The following SLC24A3 variants were observed in gnomAD, a reference collection of about 807,000 sequenced individuals.
SLC24A3 encodes sodium/potassium/calcium exchanger 3.
Under a neutral mutation model 75.8 loss-of-function variants are expected in SLC24A3, and 28 were observed. The observed-to-expected ratio is 0.37, with a 90% CI of 0.27 to 0.51. SLC24A3 has a LOEUF of 0.51. SLC24A3 is among the 20% of genes least tolerant of loss of function. The pLI is 0.94. For missense variants in SLC24A3, 663 were observed against 847.8 expected (o/e 0.78, Z 2.71); for synonymous variants, 372 against 334.1 (o/e 1.11, Z -1.24).
intron 3 of SLC24A3, among the ~76,000 whole-genome samples, chr20:19,534,668 G>A (rs974266086): frequency 2.0e-5 from 3 of 152,130 alleles, no homozygotes; most frequent in Admixed American, 6.5e-5. Context: ...GCCTCCCAAA[G>A]TACTGGAATT....
chr20:19,542,117 T>G (rs2030509521), intron 3 of SLC24A3, among the ~76,000 whole-genome samples: 1 of 152,128 alleles, frequency 6.6e-6, no homozygotes, highest in African/African-American at 2.4e-5. Context: ...GGTGGAGCAG[T>G]GTTCAGAGGC....
chr20:19,656,194 T>C (rs2032263619), intron 7 of SLC24A3, among the ~76,000 whole-genome samples: 1 of 152,208 alleles, frequency 6.6e-6, no homozygotes, highest in South Asian at 2.1e-4. Flanking sequence ...TTTCTGACAC[T>C]GAAAATCTTG....
Position 19,269,363 on chromosome 20 carries a change from A to G in SLC24A3, c.143-11596A>G, listed in dbSNP as rs142570784. Among the ~76,000 whole-genome samples, 7 of 152,246 alleles carry G rather than the reference A, an allele frequency of 4.6e-5. No individual in the cohort carries two copies. In the East Asian group the frequency reaches 1.4e-3, roughly 29 times the overall value. Reference sequence around the variant, plus strand: ...GGAGCTCAGAAGGGGATAGGTAACCACTCACCTACCAGATGTGTCTCTGTT... The same window carrying G: ...GGAGCTCAGAAGGGGATAGGTAACCGCTCACCTACCAGATGTGTCTCTGTT... On this transcript the variant is annotated intron_variant, in intron 1 of 16. Transcript: ENST00000328041.
intron 1 of SLC24A3, among the ~76,000 whole-genome samples, chr20:19,265,579 A>G (rs1183891115): frequency 6.6e-6 from 1 of 152,242 alleles, no homozygotes. Context: ...GCTCTTAGAA[A>G]AAAGCCAGCC....
chr20:19,248,637 C>A (rs1056446766), intron 1 of SLC24A3, among the ~76,000 whole-genome samples: 1 of 152,096 alleles, frequency 6.6e-6, no homozygotes, highest in Non-Finnish European at 1.5e-5. Context: ...TCCAGCAGCT[C>A]CACTTCTGGG....
intron 2 of SLC24A3, among the ~76,000 whole-genome samples, chr20:19,324,488 C>T (rs937813874): frequency 2.6e-5 from 4 of 152,202 alleles, no homozygotes; most frequent in Non-Finnish European, 5.9e-5. Context: ...GTATCTTTCT[C>T]AGGTTGGCAC....
rs906501626 is a variant in SLC24A3, at chr20:19,665,907, C to T, written c.713+18C>T. On this transcript the variant is annotated intron_variant, in intron 8 of 16. Transcript: ENST00000328041. Reference sequence around the variant, plus strand: ...GTTTCCTGGTAAGTACCTCTCTTTCCCCTTCTCATTTCTGAATGTTATGTT... The same window carrying T: ...GTTTCCTGGTAAGTACCTCTCTTTCTCCTTCTCATTTCTGAATGTTATGTT... 2 of 1,609,466 alleles carry T rather than the reference C, an allele frequency of 1.2e-6. No homozygotes were observed. The highest frequency in any genetic ancestry group is 1.7e-6 in the Non-Finnish European group (2 of 1,177,842).
chr20:19,230,446 G>C (rs1981987435), intron 1 of SLC24A3, among the ~76,000 whole-genome samples: 1 of 152,122 alleles, frequency 6.6e-6, no homozygotes, highest in African/African-American at 2.4e-5. Context: ...TATATCTAGA[G>C]ACAGTGTGTG....
At chr20:19,328,254 G>C (rs926951305) in intron 2 of SLC24A3, among the ~76,000 whole-genome samples, 1 of 151,854 alleles carries the variant, frequency 6.6e-6, no homozygotes, top group Admixed American at 6.6e-5. Flanking sequence ...GTCAAAGGTC[G>C]TGGGGAACCA....
At chr20:19,272,677 C>T (rs1024635192) in intron 1 of SLC24A3, among the ~76,000 whole-genome samples, 16 of 152,192 alleles carry the variant, frequency 1.1e-4, no homozygotes, top group African/African-American at 3.9e-4. Context: ...GGGGCATGGC[C>T]CTGAGGGGTG....
intron 2 of SLC24A3, among the ~76,000 whole-genome samples, chr20:19,440,403 TCTGA>T (rs1185311763): frequency 1.3e-5 from 2 of 152,198 alleles, no homozygotes; most frequent in African/African-American, 4.8e-5. Context: ...CTCTTTTGTC[TCTGA>T]CTGTAGTAAG....
At chr20:19,478,559 C>G (rs1172871025) in intron 2 of SLC24A3, among the ~76,000 whole-genome samples, 1 of 152,128 alleles carries the variant, frequency 6.6e-6, no homozygotes, top group Admixed American at 6.5e-5. Flanking sequence ...ATCCAGCTTA[C>G]AAAGCTACAG....
At chr20:19,546,388 A>G (rs2030596296) in intron 3 of SLC24A3, among the ~76,000 whole-genome samples, 1 of 152,088 alleles carries the variant, frequency 6.6e-6, no homozygotes, top group African/African-American at 2.4e-5. Context: ...TGACACCGAA[A>G]TCCTTTCCTT....
Position 19,509,405 on chromosome 20 carries a change from C to T in SLC24A3, c.272-6083C>T, listed in dbSNP as rs544027270. 2.0e-4 allele frequency among the ~76,000 whole-genome samples: 30 copies of T among 152,304 alleles called. No homozygotes were observed. In the South Asian group the frequency reaches 3.7e-3, roughly 19 times the overall value. ...AGCACCAGCCATCAGCTCTGGGAGG[C>T]GCTAGAGGCCCCACATTGTCTTACC... is the stretch of plus-strand genomic sequence containing the variant. On this transcript the variant is annotated intron_variant, in intron 2 of 16. Coordinates refer to ENST00000328041, the MANE Select transcript of SLC24A3 (RefSeq NM_020689.4).
At chr20:19,336,964 G>A (rs1054518958) in intron 2 of SLC24A3, among the ~76,000 whole-genome samples, 13 of 152,118 alleles carry the variant, frequency 8.5e-5, no homozygotes, top group Admixed American at 8.5e-4. Context: ...AGCATACTCT[G>A]TAAGCATGTG....
At chr20:19,607,735 T>C (rs562398247) in intron 6 of SLC24A3, among the ~76,000 whole-genome samples, 2 of 152,338 alleles carry the variant, frequency 1.3e-5, no homozygotes, top group African/African-American at 4.8e-5. Context: ...CTTGGTCAAC[T>C]GGACTGCCAA....
intron 2 of SLC24A3, among the ~76,000 whole-genome samples, chr20:19,347,075 G>A (rs755909961): frequency 7.9e-5 from 12 of 152,082 alleles, no homozygotes; most frequent in Admixed American, 1.3e-4. Context: ...AGACATTTAG[G>A]AACTTTTAAT....
At position 19,649,476 on chromosome 20, in the gene SLC24A3, A is replaced by G. The variant is rs140934665; in HGVS notation, c.613-4586A>G. Among the ~76,000 whole-genome samples, 803 of 152,298 alleles carry G rather than the reference A, an allele frequency of 5.3e-3. 2 individuals are homozygous for G. The highest frequency in any genetic ancestry group is 0.031 in the Middle Eastern group (9 of 294). On this transcript the variant is annotated intron_variant, in intron 6 of 16. Transcript: ENST00000328041. ...TCCATATCTAGAATATATCCCTTCC[A>G]TATCTACATTCCTATCTATAGTTTT...
rs1568595713 is a variant in SLC24A3 at position 19,346,161 on chromosome 20, TATATATA to T, written c.271+65075_271+65081del. Among the ~76,000 whole-genome samples the T allele has an allele frequency of 4.8e-4, 16 of 33,326 alleles. No homozygotes were observed. The East Asian group carries it at 9.4e-3, about 20-fold the overall frequency. 21.9% of individuals were successfully genotyped at this position (33,326 alleles called of 152,430 possible). A position where few individuals can be genotyped will look rare whatever the true frequency, so the allele number is the denominator to read the frequency against. ...ATGGTGTGTGTATATATATATGGTG[TATATATA>T]TGGTATATATATATGGTGTATATAT... On this transcript the variant is annotated intron_variant, in intron 2 of 16. Transcript: ENST00000328041.
Sources: gnomAD v4.1 joint callset for allele counts (sites outside exome capture counted in the v4.1 genomes callset) on GRCh38, gnomAD v4.1.1 for gene constraint, MANE v1.5 for transcripts, NCBI Gene and HGNC (gene_info 2026-07-23, HGNC 2026-07-21) for gene names.